UTRN: variants seen among roughly 807,000 people sequenced by gnomAD.
The protein encoded by UTRN is utrophin, also known as dystrophin-related protein 1.
UTRN carries 283 observed loss-of-function variants against 463.9 expected under a neutral mutation model. The ratio of observed to expected loss-of-function variants is 0.61; its 90% CI spans 0.55 to 0.67. The LOEUF (loss-of-function observed/expected upper bound fraction) is 0.67. Among genes scored for constraint, UTRN ranks in the 30% least tolerant of loss-of-function variants. The pLI is 0.00. For missense variants in UTRN, 3,922 were observed against 4,084.3 expected, an observed-to-expected ratio of 0.96 and a Z score of 1.08; for synonymous variants, 1,442 against 1,431.5, an observed-to-expected ratio of 1.01 and a Z score of -0.17.
At chr6:144,681,889 G>A (rs1782237534) in intron 52 of UTRN, among the ~76,000 whole-genome samples, 1 of 151,952 alleles carries the variant, frequency 6.6e-6, no homozygotes, top group Admixed American at 6.6e-5. Context: ...TGGAGTACAC[G>A]AGATATTTTG....
intron 52 of UTRN, among the ~76,000 whole-genome samples, chr6:144,693,580 A>G (rs1399379382): frequency 6.6e-6 from 1 of 152,010 alleles, no homozygotes; most frequent in Non-Finnish European, 1.5e-5. Context: ...GCAGTGTTTT[A>G]TAGTTCTCCT....
chr6:144,651,793 T>C (rs1488219570), intron 51 of UTRN, among the ~76,000 whole-genome samples: 4 of 152,198 alleles, frequency 2.6e-5, no homozygotes, highest in Non-Finnish European at 5.9e-5. Flanking sequence ...AGTTTGTGTC[T>C]TGCCTTTTTA....
chr6:144,383,152 G>A (rs921692172), intron 2 of UTRN, among the ~76,000 whole-genome samples: 32 of 151,664 alleles, frequency 2.1e-4, no homozygotes, highest in African/African-American at 5.3e-4. Context: ...GGCTGGTCTC[G>A]AACTCCTGGG....
intron 51 of UTRN, among the ~76,000 whole-genome samples, chr6:144,633,577 G>A (rs1776776805): frequency 6.6e-6 from 1 of 152,182 alleles, no homozygotes. Context: ...CAGAAGTGTG[G>A]CATTGAATGA....
intron 46 of UTRN, among the ~76,000 whole-genome samples, chr6:144,547,622 GTC>G (rs1330676169): frequency 6.6e-6 from 1 of 152,080 alleles, no homozygotes; most frequent in African/African-American, 2.4e-5. Flanking sequence ...CTGTAATTCA[GTC>G]TCTGCCAAGG....
At chr6:144,543,945 G>C (rs1205512893) in intron 46 of UTRN, among the ~76,000 whole-genome samples, 1 of 152,090 alleles carries the variant, frequency 6.6e-6, no homozygotes, top group Non-Finnish European at 1.5e-5. Flanking sequence ...CAGAACACTT[G>C]AGTTGACATT....
chr6:144,503,884 A>G (rs1794457511), intron 34 of UTRN, among the ~76,000 whole-genome samples: 1 of 152,142 alleles, frequency 6.6e-6, no homozygotes, highest in South Asian at 2.1e-4. Flanking sequence ...CGAGCATGGA[A>G]TGTTTTTCCA....
intron 54 of UTRN, among the ~76,000 whole-genome samples, chr6:144,733,253 T>G (rs1031807224): frequency 2.6e-5 from 4 of 152,160 alleles, no homozygotes; most frequent in African/African-American, 7.2e-5. Flanking sequence ...ACGCGGTGGC[T>G]TACACTTGTA....
chr6:144,730,653 CTTAAA>C (rs1788424146), intron 54 of UTRN, among the ~76,000 whole-genome samples, 167 bp downstream of exon 54: 1 of 151,992 alleles, frequency 6.6e-6, no homozygotes, highest in East Asian at 1.9e-4. Context: ...TATCTAGATT[CTTAAA>C]TTAAGAAAAT....
chr6:144,751,744 C>T (rs1791423535), intron 55 of UTRN, 62 bp from the exon 56 acceptor site: 1 of 1,459,958 alleles, frequency 6.8e-7, no homozygotes, highest in Non-Finnish European at 9.2e-7. Flanking sequence ...ATTTAAGGAT[C>T]AACTGTATTA....
chr6:144,440,584 A>G (rs1394403456), intron 13 of UTRN, 113 bp downstream of exon 13: 2 of 1,416,140 alleles, frequency 1.4e-6, no homozygotes, highest in Non-Finnish European at 1.9e-6. Context: ...AGGGTAGAAA[A>G]ACCTACCTTT....
At position 144,479,961 on chromosome 6, in the gene UTRN, G is replaced by A. The variant is rs768278621; in HGVS notation, c.3486G>A (p.Glu1162=). The change falls in exon 26 of 75, where the codon GAG becomes GAA. Residue 1162 remains glutamate, a synonymous_variant. Transcript: ENST00000367545. ...AGTACAAGTCACCAGAAGAGCTTGAGAGTGCTGTGGAAGAGATGAAGGTGA... is the reference window on the plus strand; with the variant it reads ...AGTACAAGTCACCAGAAGAGCTTGAAAGTGCTGTGGAAGAGATGAAGGTGA... ...DFEYKSPEEL[E]SAVEEMKRAK... 22 of 1,614,074 alleles carry A rather than the reference G, an allele frequency of 1.4e-5. No homozygotes were observed. The highest frequency in any genetic ancestry group is 1.8e-5 in the Non-Finnish European group (21 of 1,180,032).
intron 41 of UTRN, among the ~76,000 whole-genome samples, chr6:144,525,578 G>A (rs181485648): frequency 1.3e-5 from 2 of 151,616 alleles, no homozygotes; most frequent in Admixed American, 6.6e-5. Flanking sequence ...CTCTTTTCTT[G>A]GTTAATCTCA....
chr6:144,344,765 C>T (rs1777427294), intron 2 of UTRN, among the ~76,000 whole-genome samples: 1 of 152,122 alleles, frequency 6.6e-6, no homozygotes, highest in African/African-American at 2.4e-5. Context: ...TTAGTTTTGA[C>T]CTGAGAAAGG....
intron 51 of UTRN, among the ~76,000 whole-genome samples, chr6:144,628,355 A>G (rs1308600083): frequency 6.6e-6 from 1 of 152,136 alleles, no homozygotes; most frequent in Non-Finnish European, 1.5e-5. Context: ...AATCTGTATG[A>G]ATATAGTATT....
At chr6:144,656,568 C>T (rs1226017856) in intron 51 of UTRN, among the ~76,000 whole-genome samples, 2 of 152,136 alleles carry the variant, frequency 1.3e-5, no homozygotes, top group Non-Finnish European at 2.9e-5. Flanking sequence ...TGGGCCACTA[C>T]ATCTGGGTAA....
chr6:144,646,083 C>T (rs1240743348), intron 51 of UTRN, among the ~76,000 whole-genome samples: 1 of 152,200 alleles, frequency 6.6e-6, no homozygotes, highest in East Asian at 1.9e-4. Flanking sequence ...CCTAGGTCTA[C>T]TCCTTCGATT....
At chr6:144,626,838 C>A (rs538998141) in intron 51 of UTRN, among the ~76,000 whole-genome samples, 1 of 152,270 alleles carries the variant, frequency 6.6e-6, no homozygotes, top group South Asian at 2.1e-4. Flanking sequence ...TGGCGTTTCA[C>A]CGTGTTGGCC....
chr6:144,666,865 C>T lies in UTRN; in HGVS notation c.7480-11541C>T, dbSNP rs1000778561. Among the ~76,000 whole-genome samples the T allele has an allele frequency of 5.3e-5, 8 of 152,112 alleles. No homozygotes were observed. The South Asian group carries it at 1.4e-3, about 28-fold the overall frequency. ...GCAGTCCTGTTTCATTCCCATTCGTCGTGGTAGCTGGGTTGGAAAACACAT... is the reference window on the plus strand; with the variant it reads ...GCAGTCCTGTTTCATTCCCATTCGTTGTGGTAGCTGGGTTGGAAAACACAT... On this transcript the variant is annotated intron_variant, in intron 51 of 74. Transcript: ENST00000367545.
Sources: allele counts gnomAD v4.1 joint callset (sites outside exome capture counted in the v4.1 genomes callset), GRCh38; gene constraint gnomAD v4.1.1; transcripts MANE v1.5; gene names NCBI Gene and HGNC (gene_info 2026-07-23, HGNC 2026-07-21).